Variants in MAGI2 observed in about 807,000 individuals in gnomAD.
MAGI2 encodes membrane-associated guanylate kinase, WW and PDZ domain-containing protein 2.
In MAGI2, 35 loss-of-function variants were observed where a neutral mutation model predicts 133.3. The observed-to-expected ratio is 0.26, with a 90% CI of 0.20 to 0.35. MAGI2 has a LOEUF of 0.35. MAGI2 is among the 10% of genes least tolerant of loss of function. The pLI is 1.00. For synonymous variants in MAGI2, 729 were observed against 710.6 expected, an observed-to-expected ratio of 1.03 and a Z score of -0.41; for missense variants, 1,636 against 1,863.4, an observed-to-expected ratio of 0.88 and a Z score of 2.25.
chr7:78,428,528 C>G (rs764845182), intron 6 of MAGI2, among the ~76,000 whole-genome samples: 2 of 152,102 alleles, frequency 1.3e-5, no homozygotes, highest in Admixed American at 1.3e-4. Flanking sequence ...ACAAACTGGC[C>G]TTTTCACGGT....
At chr7:78,640,295 C>CAAAAAA (rs1035600548) in intron 2 of MAGI2, among the ~76,000 whole-genome samples, 1 of 134,282 alleles carries the variant, frequency 7.4e-6, no homozygotes, top group Admixed American at 7.5e-5. Context: ...AATAAAAAAA[C>CAAAAAA]AAAAAACAAA....
At chr7:79,136,127 A>AAGAAAGAAAGAAAGAAAGAC (rs1225606986) in intron 1 of MAGI2, among the ~76,000 whole-genome samples, 1 of 146,892 alleles carries the variant, frequency 6.8e-6, no homozygotes, top group African/African-American at 2.5e-5. Context: ...GAAAGAAAGA[A>AAGAAAGAAAGAAAGAAAGAC]AGACACAAAA....
intron 2 of MAGI2, among the ~76,000 whole-genome samples, chr7:78,941,173 C>A (rs1319164629): frequency 6.6e-6 from 1 of 152,118 alleles, no homozygotes; most frequent in East Asian, 1.9e-4. Flanking sequence ...TGGTAGGTAG[C>A]TTCCCAGATC....
chr7:78,718,031 T>C (rs1362347938), intron 2 of MAGI2, among the ~76,000 whole-genome samples: 1 of 152,200 alleles, frequency 6.6e-6, no homozygotes, highest in Non-Finnish European at 1.5e-5. Flanking sequence ...CACTATTTCT[T>C]TATTTAACAA....
chr7:78,699,157 T>C (rs1427124226), intron 2 of MAGI2, among the ~76,000 whole-genome samples: 1 of 152,166 alleles, frequency 6.6e-6, no homozygotes, highest in African/African-American at 2.4e-5. Context: ...TCACCCAGGC[T>C]GGAGTGTAGT....
At chr7:79,212,789 A>C (rs1332431163) in intron 1 of MAGI2, among the ~76,000 whole-genome samples, 1 of 152,050 alleles carries the variant, frequency 6.6e-6, no homozygotes, top group African/African-American at 2.4e-5. Context: ...ATTAAGCTGG[A>C]GAACAGAACA....
chr7:79,028,275 A>G (rs71537527), intron 1 of MAGI2, among the ~76,000 whole-genome samples: 1 of 28,442 alleles, frequency 3.5e-5, no homozygotes, highest in African/African-American at 1.0e-4. Context: ...ATATGTATGT[A>G]TGTATATATA....
chr7:78,743,891 A>G (rs1822668297), intron 2 of MAGI2, among the ~76,000 whole-genome samples: 1 of 152,138 alleles, frequency 6.6e-6, no homozygotes, highest in Non-Finnish European at 1.5e-5. Context: ...TCTGTCTGAA[A>G]AGTCTAACCT....
chr7:78,896,074 A>C (rs1361355128), intron 2 of MAGI2, among the ~76,000 whole-genome samples: 2 of 152,216 alleles, frequency 1.3e-5, no homozygotes, highest in East Asian at 3.9e-4. Context: ...AACTTCTCAA[A>C]ATGAATGGAG....
chr7:78,865,975 C>G (rs1794523822), intron 2 of MAGI2, among the ~76,000 whole-genome samples: 1 of 152,036 alleles, frequency 6.6e-6, no homozygotes, highest in Non-Finnish European at 1.5e-5. Context: ...CTGATACAAT[C>G]TGAATTTAAC....
At chr7:79,139,150 C>T (rs1821887235) in intron 1 of MAGI2, among the ~76,000 whole-genome samples, 1 of 152,080 alleles carries the variant, frequency 6.6e-6, no homozygotes, top group African/African-American at 2.4e-5. Context: ...TCCAGAACCA[C>T]AAGAATATAA....
chr7:78,689,749 G>A (rs1816765388), intron 2 of MAGI2, among the ~76,000 whole-genome samples: 2 of 100,126 alleles, frequency 2.0e-5, no homozygotes, highest in South Asian at 6.7e-4. Context: ...GCTGTTATAT[G>A]TATCAGTAAT....
At chr7:79,387,527 C>T (rs1052079784) in intron 1 of MAGI2, among the ~76,000 whole-genome samples, 1 of 151,868 alleles carries the variant, frequency 6.6e-6, no homozygotes, top group African/African-American at 2.4e-5. Context: ...AGGTTTTTTT[C>T]CAGAAATTAT....
At chr7:78,260,961 T>C (rs1445003930) in intron 9 of MAGI2, among the ~76,000 whole-genome samples, 1 of 152,110 alleles carries the variant, frequency 6.6e-6, no homozygotes, top group Non-Finnish European at 1.5e-5. Flanking sequence ...ACATAAAGCA[T>C]TGCTTTAATT....
At chr7:78,476,064 T>C (rs1433542376) in intron 6 of MAGI2, among the ~76,000 whole-genome samples, 1 of 151,950 alleles carries the variant, frequency 6.6e-6, no homozygotes, top group African/African-American at 2.4e-5. Context: ...TCAGAAGTTG[T>C]ATTCATTTGC....
At chr7:78,169,563 A>G (rs1825926767) in intron 14 of MAGI2, among the ~76,000 whole-genome samples, 1 of 150,002 alleles carries the variant, frequency 6.7e-6, no homozygotes, top group African/African-American at 2.5e-5. Context: ...GGTATGTGCA[A>G]AGTTATAGTC....
intron 2 of MAGI2, among the ~76,000 whole-genome samples, chr7:78,930,933 A>G (rs1395552648): frequency 3.9e-5 from 6 of 152,272 alleles, no homozygotes; most frequent in African/African-American, 1.4e-4. Context: ...ACTGAAACAT[A>G]TCATTGTAAA....
intron 1 of MAGI2, among the ~76,000 whole-genome samples, chr7:79,365,835 G>T (rs1842663765): frequency 7.8e-6 from 1 of 128,710 alleles, no homozygotes; most frequent in Non-Finnish European, 1.6e-5. Context: ...ACTCCAGCCT[G>T]GGTGATGGGT....
intron 21 of MAGI2, among the ~76,000 whole-genome samples, chr7:78,034,139 A>C (rs1032692829): frequency 8.5e-5 from 13 of 152,224 alleles, no homozygotes; most frequent in Non-Finnish European, 2.9e-5. Context: ...ATGAATATCG[A>C]ACATCTACTT....
Sources: allele counts gnomAD v4.1 joint callset (sites outside exome capture counted in the v4.1 genomes callset), GRCh38; gene constraint gnomAD v4.1.1; transcripts MANE v1.5; gene names NCBI Gene and HGNC (gene_info 2026-07-23, HGNC 2026-07-21).